Variants in MKI67 observed in about 807,000 individuals in gnomAD.
MKI67 encodes the protein marker of proliferation Ki-67.
In MKI67, 152 loss-of-function variants were observed where a neutral mutation model predicts 233.5. That is an observed-to-expected ratio of 0.65 (90% CI 0.57 to 0.74). MKI67 has a LOEUF of 0.74. MKI67 is among the 30% of genes least tolerant of loss of function. The pLI, the probability that MKI67 is intolerant of heterozygous loss-of-function variation, is 0.00. For missense variants in MKI67, 3,940 were observed against 3,885.2 expected, an observed-to-expected ratio of 1.01 and a Z score of -0.37; for synonymous variants, 1,465 against 1,418.5, an observed-to-expected ratio of 1.03 and a Z score of -0.74.
chr10:128,119,418 T>C (rs1852883605), intron 4 of MKI67, 99 bp from the exon 5 acceptor site: 2 of 776,054 alleles, frequency 2.6e-6, no homozygotes, highest in Non-Finnish European at 2.2e-6. Flanking sequence ...CGAACAAACT[T>C]TGGGTTTAGT....
At chr10:128,100,272 T>C (rs1033021566) in intron 14 of MKI67, among the ~76,000 whole-genome samples, 29 of 152,256 alleles carry the variant, frequency 1.9e-4, no homozygotes, top group African/African-American at 7.0e-4. Context: ...ATCTCCCCAC[T>C]AGGACTTCCT....
rs1852461339 is a variant in MKI67 at position 128,105,474 on chromosome 10, T to C, written c.6366A>G (p.Lys2122=). The C allele has an allele frequency of 6.2e-7, 1 of 1,613,908 alleles. No homozygotes were observed. The highest frequency in any genetic ancestry group is 8.5e-7 in the Non-Finnish European group (1 of 1,179,996). The change falls in exon 13 of 15, where the codon AAA becomes AAG. Residue 2122 remains lysine, a synonymous_variant. Coordinates refer to ENST00000368654, the MANE Select transcript of MKI67 (RefSeq NM_002417.5). ...DTPTSTRRRP[K]TPLGKRDIVE... is the part of the protein sequence containing the mutation. ...CTATATCCCTTTTCCCCAAAGGTGT[T>C]TTGGGCCGCCTCCTTGTGCTTGTTG...
intron 2 of MKI67, 86 bp from the exon 3 acceptor site, chr10:128,123,255 T>G: frequency 1.1e-6 from 1 of 915,030 alleles, no homozygotes. Flanking sequence ...ACAATTTGAC[T>G]AGAATGTTTG....
chr10:128,117,561 GAAA>G (rs1362278372), intron 5 of MKI67, among the ~76,000 whole-genome samples: 2 of 152,212 alleles, frequency 1.3e-5, no homozygotes, highest in African/African-American at 2.4e-5. Context: ...CCCAAAGGAA[GAAA>G]AGCTTATCAT....
At position 128,104,170 on chromosome 10, in the gene MKI67, T is replaced by C; in HGVS notation, c.7670A>G (p.Glu2557Gly). The change falls in exon 13 of 15, where the codon GAA (glutamate) becomes GGA (glycine). Residue 2557 changes from glutamate (E) to glycine (G), a missense_variant. By Grantham distance (98) the Glu-to-Gly change is moderately conservative (BLOSUM62 -2). Transcript: ENST00000368654. ...RTRKEKARAL[E>G]DLVDFKELFS... Reference sequence around the variant, plus strand: ...GAGCTCTTTGAAGTCAACCAGGTCTTCTAGAGCACGGGCCTTTTCCTTACG... The same window carrying C: ...GAGCTCTTTGAAGTCAACCAGGTCTCCTAGAGCACGGGCCTTTTCCTTACG... 1 of 1,614,098 alleles carries C rather than the reference T, an allele frequency of 6.2e-7. No individual in the cohort carries two copies. Among genetic ancestry groups the C allele is most frequent in the Non-Finnish European group, 8.5e-7 (1 of 1,180,022 alleles).
In MKI67 at chr10:128,105,722, T is replaced by G. The variant is rs759588157; in HGVS notation, c.6118A>C (p.Lys2040Gln). The change falls in exon 13 of 15, where the codon AAA (lysine) becomes CAA (glutamine). Residue 2040 changes from lysine to glutamine, a missense_variant. Coordinates refer to ENST00000368654, the MANE Select transcript of MKI67 (RefSeq NM_002417.5). ...RETAGDGKSIKAFKESAKQML... is the reference protein window; with the variant it reads ...RETAGDGKSIQAFKESAKQML... ...TGCTTTGCAGATTCCTTAAACGCTT[T>G]GATGCTCTTTCCATCTCCTGCTGTC... 1 of 1,614,132 alleles carries G rather than the reference T, an allele frequency of 6.2e-7. No homozygotes were observed. Among genetic ancestry groups the G allele is most frequent in the South Asian group, 1.1e-5 (1 of 91,078 alleles).
In MKI67 at chr10:128,103,656, C is replaced by A. The variant is rs1412342709; in HGVS notation, c.8184G>T (p.Val2728=). 6.2e-7 allele frequency: 1 copy of A among 1,613,968 alleles called. No individual in the cohort carries two copies. The highest frequency in any genetic ancestry group is 1.1e-5 in the South Asian group (1 of 91,080). Residue 2728 remains valine (V), a synonymous_variant, in exon 13 of 15, where the codon GTG becomes GTT. Coordinates refer to ENST00000368654, the MANE Select transcript of MKI67 (RefSeq NM_002417.5). ...ASTKRHLRTR[V]QKVQVKEEPS... ...GCTCTTCTTTTACTTGTACCTTCTG[C>A]ACACGTGTCCTGAGATGCCTCTTTG... is the stretch of plus-strand genomic sequence containing the variant.
chr10:128,104,195 G>C lies in MKI67; in HGVS notation c.7645C>G (p.Arg2549Gly). The change falls in exon 13 of 15, where the codon CGT (arginine) becomes GGT (glycine). Residue 2549 changes from arginine (R) to glycine (G), a missense_variant. By Grantham distance (125) the Arg-to-Gly change is moderately radical. Transcript: ENST00000368654. ...VTGSRRQLRT[R>G]KEKARALEDL... is the part of the protein sequence containing the mutation. The stretch of plus-strand genomic sequence containing the variant: ...TCTAGAGCACGGGCCTTTTCCTTAC[G>C]AGTTCTCAGCTGCCTCCTGCTACCA... 1 of 1,613,928 alleles carries C rather than the reference G, an allele frequency of 6.2e-7. No homozygotes were observed. The highest frequency in any genetic ancestry group is 8.5e-7 in the Non-Finnish European group (1 of 1,179,992).
At chr10:128,119,202 G>T in intron 5 of MKI67, 51 bp downstream of exon 5, 1 of 1,290,170 alleles carries the variant, frequency 7.8e-7, no homozygotes, top group South Asian at 1.2e-5. Flanking sequence ...ATACATAAAT[G>T]ATTTCATATC....
chr10:128,101,406 T>A lies in MKI67; in HGVS notation c.9557A>T (p.Gln3186Leu). Residue 3186 changes from glutamine to leucine, a missense_variant, in exon 14 of 15, where the codon CAG becomes CTG. Physicochemically the swap from Gln to Leu is moderately radical, Grantham distance 113. Transcript: ENST00000368654. ...ATTTCCTGCTTCTCCTTTCCCTTTC[T>A]GATTCTGCATGAGAACCTTCGCACT... ...QKSAKVLMQN[Q>L]KGKGEAGNSD... 6.2e-7 allele frequency: 1 copy of A among 1,614,228 alleles called. No individual in the cohort carries two copies. The highest frequency in any genetic ancestry group is 1.7e-5 in the Admixed American group (1 of 60,030).
intron 12 of MKI67, 141 bp downstream of exon 12, chr10:128,110,237 A>G (rs1304683957): frequency 3.4e-6 from 2 of 594,636 alleles, no homozygotes; most frequent in Admixed American, 3.7e-5. Context: ...TCTCCCTTTC[A>G]ATTAGAACAG....
intron 11 of MKI67, 91 bp from the exon 12 acceptor site, chr10:128,110,624 G>C: frequency 1.1e-6 from 1 of 946,294 alleles, no homozygotes; most frequent in African/African-American, 1.6e-5. Context: ...CAAATGGTGG[G>C]AAATAACAGT....
In MKI67 at chr10:128,115,093, T is replaced by C; in HGVS notation, c.1315A>G (p.Ile439Val). The C allele has an allele frequency of 6.2e-7, 1 of 1,613,962 alleles. No individual in the cohort carries two copies. Among genetic ancestry groups the C allele is most frequent in the Non-Finnish European group, 8.5e-7 (1 of 1,179,838 alleles). The change falls in exon 7 of 15, where the codon ATT becomes GTT. Residue 439 changes from isoleucine (I) to valine (V), a missense_variant. Transcript: ENST00000368654. Reference sequence around the variant, plus strand: ...AGAGTTAAAAATGGCTCATTGTGAATTTCAGTTTCCGTAGGCAGAACTTCC... The same window carrying C: ...AGAGTTAAAAATGGCTCATTGTGAACTTCAGTTTCCGTAGGCAGAACTTCC... ...DVEVLPTETE[I>V]HNEPFLTLWL...
Position 128,102,882 on chromosome 10 carries a change from T to A in MKI67, c.8958A>T (p.Lys2986Asn). Reference protein sequence around the residue: ...STRDPVKSQSKSNTSLPPLPF... With the variant: ...STRDPVKSQSNSNTSLPPLPF... ...GCAGTGGGGGCAGGGAAGTGTTGCT[T>A]TTGCTTTGTGATTTTACAGGGTCTC... The change falls in exon 13 of 15, where the codon AAA (lysine) becomes AAT (asparagine). Residue 2986 changes from lysine to asparagine, a missense_variant. Coordinates refer to ENST00000368654, the MANE Select transcript of MKI67 (RefSeq NM_002417.5). The A allele has an allele frequency of 1.9e-6, 3 of 1,614,148 alleles. No homozygotes were observed. Among genetic ancestry groups the A allele is most frequent in the Non-Finnish European group, 2.5e-6 (3 of 1,180,018 alleles).
chr10:128,107,720 C>T lies in MKI67; in HGVS notation c.4120G>A (p.Glu1374Lys), dbSNP rs752669582. ...TCTGCTGATTCTGGTGGAGAAGATT[C>T]GCAGGGCATTTTAGTAGTTTTGCCA... ...AAGKTTKMPC[E>K]SSPPESADTP... The change falls in exon 13 of 15, where the codon GAA becomes AAA. Residue 1374 changes from glutamate (E) to lysine (K), a missense_variant. Coordinates refer to ENST00000368654, the MANE Select transcript of MKI67 (RefSeq NM_002417.5). 1.8e-5 allele frequency: 29 copies of T among 1,613,442 alleles called. No homozygotes were observed. In the South Asian group the frequency reaches 2.0e-4, roughly 11 times the overall value.
Position 128,101,610 on chromosome 10 carries a change from T to C in MKI67, c.9353A>G (p.Asn3118Ser). 6.2e-7 allele frequency: 1 copy of C among 1,614,108 alleles called. No individual in the cohort carries two copies. The highest frequency in any genetic ancestry group is 8.5e-7 in the Non-Finnish European group (1 of 1,180,008). Residue 3118 changes from asparagine (N) to serine (S), a missense_variant, in exon 14 of 15, where the codon AAC becomes AGC. Transcript: ENST00000368654. The part of the protein sequence containing the change: ...VFVLAERIEI[N>S]RNEKKPMKTS... Reference sequence around the variant, plus strand: ...CTTCATGGGCTTCTTTTCATTTCTGTTTATTTCTATTCTTTCTGCTAATAC... The same window carrying C: ...CTTCATGGGCTTCTTTTCATTTCTGCTTATTTCTATTCTTTCTGCTAATAC...
At position 128,108,898 on chromosome 10, in the gene MKI67, C is replaced by T. The variant is rs149566139; in HGVS notation, c.2942G>A (p.Arg981His). Residue 981 changes from arginine to histidine, a missense_variant, in exon 13 of 15, where the codon CGT (arginine) becomes CAT (histidine). Coordinates refer to ENST00000368654, the MANE Select transcript of MKI67 (RefSeq NM_002417.5). ...TTGGGTTTGGAGGAGATTCTGGCCA[C>T]GTGCCGTGTCTTTCATGAGTTCTGT... Reference protein sequence around the residue: ...PDTELMKDTARGQNLLQTQDH... With the variant: ...PDTELMKDTAHGQNLLQTQDH... 35 of 1,614,078 alleles carry T rather than the reference C, an allele frequency of 2.2e-5. No homozygotes were observed. The highest frequency in any genetic ancestry group is 4.0e-5 in the African/African-American group (3 of 74,924).
chr10:128,109,750 C>T (rs1020930002), intron 12 of MKI67, among the ~76,000 whole-genome samples: 3 of 152,138 alleles, frequency 2.0e-5, no homozygotes, highest in Admixed American at 6.5e-5. Context: ...TTCCTTCAAA[C>T]ATTAGAAACA....
intron 11 of MKI67, chr10:128,111,439 A>C: frequency 1.9e-6 from 1 of 531,032 alleles, no homozygotes; most frequent in African/African-American, 1.9e-5. Flanking sequence ...CATGCAGGAC[A>C]TGTGATCCCA....
Sources: gnomAD v4.1 joint callset for allele counts (sites outside exome capture counted in the v4.1 genomes callset) on GRCh38, gnomAD v4.1.1 for gene constraint, MANE v1.5 for transcripts, NCBI Gene and HGNC (gene_info 2026-07-23, HGNC 2026-07-21) for gene names.